INPP4B: variants seen among roughly 807,000 people sequenced by gnomAD.
INPP4B encodes the protein inositol polyphosphate 4-phosphatase type II.
INPP4B carries 55 observed loss-of-function variants against 122.5 expected under a neutral mutation model. That is an observed-to-expected ratio of 0.45 (90% CI 0.36 to 0.56). The LOEUF (loss-of-function observed/expected upper bound fraction) is 0.56, where lower values mean the gene tolerates loss of function less well. Ranked by LOEUF, INPP4B falls within the 20% of genes least tolerant of loss-of-function variation. The probability of loss-of-function intolerance (pLI) is 0.00; values close to 1 mark genes in which losing one functional copy is unlikely to be tolerated. For missense variants in INPP4B, 1,000 were observed against 1,097.7 expected, an observed-to-expected ratio of 0.91 and a Z score of 1.26; for synonymous variants, 403 against 388.7, an observed-to-expected ratio of 1.04 and a Z score of -0.43.
intron 2 of INPP4B, among the ~76,000 whole-genome samples, chr4:142,681,434 A>T (rs1036090850): frequency 1.4e-4 from 22 of 151,938 alleles, no homozygotes; most frequent in African/African-American, 5.1e-4. Flanking sequence ...ACTAGACTTC[A>T]CAAAATTCTA....
intron 2 of INPP4B, among the ~76,000 whole-genome samples, chr4:142,678,358 G>C (rs779569644): frequency 6.6e-6 from 1 of 151,992 alleles, no homozygotes; most frequent in East Asian, 1.9e-4. Flanking sequence ...TATGCAAGTA[G>C]TAACAAATAT....
intron 7 of INPP4B, among the ~76,000 whole-genome samples, chr4:142,328,864 C>T (rs943591711): frequency 6.6e-6 from 1 of 152,128 alleles, no homozygotes; most frequent in African/African-American, 2.4e-5. Flanking sequence ...TTGAGAAACA[C>T]TGCCATGGTG....
chr4:142,755,915 T>C (rs1316496917), intron 1 of INPP4B, among the ~76,000 whole-genome samples: 1 of 152,104 alleles, frequency 6.6e-6, no homozygotes, highest in Admixed American at 6.6e-5. Context: ...ACCTTTGTTA[T>C]TGCTCACAGA....
chr4:142,528,861 C>A (rs1459104701), intron 2 of INPP4B, among the ~76,000 whole-genome samples: 1 of 151,996 alleles, frequency 6.6e-6, no homozygotes, highest in African/African-American at 2.4e-5. Context: ...TTGAGTATTT[C>A]TTGAAAATGA....
intron 25 of INPP4B, among the ~76,000 whole-genome samples, chr4:142,032,285 G>C (rs977146187): frequency 1.3e-5 from 2 of 152,144 alleles, no homozygotes; most frequent in South Asian, 4.1e-4. Context: ...GGGCAGCAGA[G>C]AGGTAGGGAG....
chr4:142,250,953 A>G (rs1398155592), intron 11 of INPP4B, among the ~76,000 whole-genome samples: 2 of 152,236 alleles, frequency 1.3e-5, no homozygotes, highest in Non-Finnish European at 2.9e-5. Flanking sequence ...ATTTTATGTC[A>G]GTAGTTTTTG....
chr4:142,775,482 T>A (rs1439223613), intron 1 of INPP4B, among the ~76,000 whole-genome samples: 4 of 151,240 alleles, frequency 2.6e-5, no homozygotes, highest in Non-Finnish European at 5.9e-5. Flanking sequence ...CTCTGCATAT[T>A]TTGTTCCCTT....
Position 142,462,976 on chromosome 4 carries a change from C to T in INPP4B, c.-190-250G>A, listed in dbSNP as rs185288152. Among the ~76,000 whole-genome samples the T allele has an allele frequency of 1.4e-4, 21 of 152,272 alleles. No homozygotes were observed. In the East Asian group the frequency reaches 4.1e-3, roughly 29 times the overall value. On this transcript the variant is annotated intron_variant, in intron 2 of 25. Coordinates refer to ENST00000262992, the MANE Select transcript of INPP4B (RefSeq NM_001101669.3). ...GATCCTTGTTTGCTGCTTAAGTGTG[C>T]CAAGTACTATCCTATGCCAGGCACT...
intron 7 of INPP4B, among the ~76,000 whole-genome samples, chr4:142,371,014 C>T (rs1201284940): frequency 6.6e-6 from 1 of 152,094 alleles, no homozygotes; most frequent in Admixed American, 6.6e-5. Flanking sequence ...GAAGGCACCA[C>T]ACTACCTGAC....
At chr4:142,350,603 C>A (rs1781654713) in intron 7 of INPP4B, among the ~76,000 whole-genome samples, 1 of 151,904 alleles carries the variant, frequency 6.6e-6, no homozygotes, top group South Asian at 2.1e-4. Context: ...ACCAAAAGGC[C>A]TCGTGTGGTG....
At chr4:142,706,511 G>A (rs571828306) in intron 2 of INPP4B, among the ~76,000 whole-genome samples, 1 of 152,282 alleles carries the variant, frequency 6.6e-6, no homozygotes, top group Admixed American at 6.5e-5. Flanking sequence ...TTATCCATCT[G>A]TTTCATGTGT....
At chr4:142,530,935 T>C (rs1363861660) in intron 2 of INPP4B, among the ~76,000 whole-genome samples, 1 of 151,860 alleles carries the variant, frequency 6.6e-6, no homozygotes, top group Non-Finnish European at 1.5e-5. Flanking sequence ...GCCTTTACTC[T>C]GAGATGGGCA....
intron 2 of INPP4B, among the ~76,000 whole-genome samples, chr4:142,678,587 G>C (rs189651723): frequency 1.3e-5 from 2 of 151,970 alleles, no homozygotes; most frequent in East Asian, 3.9e-4. Flanking sequence ...CTCCAGGAAA[G>C]ACTAATTAGA....
rs55700762 is a variant in INPP4B, at chr4:142,644,740, T to TAAAAA, written c.-191+81094_-191+81098dup. On this transcript the variant is annotated intron_variant, in intron 2 of 25. Transcript: ENST00000262992. ...AACATGGCAAAACCCCATCTCTACT[T>TAAAAA]AAAAAAAAAAAAAAAAAAAAAAAAA... is the stretch of plus-strand genomic sequence containing the variant. Among the ~76,000 whole-genome samples the TAAAAA allele has an allele frequency of 6.9e-4, 49 of 71,062 alleles. 1 individual carries two copies. Among genetic ancestry groups the TAAAAA allele is most frequent in the African/African-American group, 1.8e-3 (31 of 17,700 alleles). 46.6% of individuals were successfully genotyped at this position (71,062 alleles called of 152,430 possible).
intron 12 of INPP4B, among the ~76,000 whole-genome samples, chr4:142,221,389 CAAAAAAAAAA>C (rs570703001): frequency 7.0e-5 from 2 of 28,556 alleles, no homozygotes; most frequent in Admixed American, 5.0e-4. Flanking sequence ...GACTCCTTCT[CAAAAAAAAAA>C]AAAAAAAAAA....
intron 12 of INPP4B, among the ~76,000 whole-genome samples, chr4:142,216,922 G>A (rs80170351): frequency 1.6e-3 from 246 of 152,168 alleles, no homozygotes; most frequent in East Asian, 0.015. Flanking sequence ...AATATTGGCC[G>A]GAATATTAAA....
intron 1 of INPP4B, among the ~76,000 whole-genome samples, chr4:142,766,190 G>GGC (rs1772094285): frequency 6.6e-6 from 1 of 151,996 alleles, no homozygotes; most frequent in Non-Finnish European, 1.5e-5. Flanking sequence ...TGTAGGGTGT[G>GGC]CCTATCAGTC....
intron 18 of INPP4B, among the ~76,000 whole-genome samples, chr4:142,134,784 C>T (rs1408501366): frequency 3.6e-5 from 4 of 109,898 alleles, no homozygotes; most frequent in East Asian, 2.5e-4. Flanking sequence ...GCAACAAGAG[C>T]GAAACTCTGT....
At chr4:142,784,700 C>A (rs1381191985) in intron 1 of INPP4B, among the ~76,000 whole-genome samples, 1 of 152,052 alleles carries the variant, frequency 6.6e-6, no homozygotes, top group Non-Finnish European at 1.5e-5. Context: ...CCAAACAGGT[C>A]CTCACAGTAA....
Sources: allele counts gnomAD v4.1 joint callset (sites outside exome capture counted in the v4.1 genomes callset), GRCh38; gene constraint gnomAD v4.1.1; transcripts MANE v1.5; gene names NCBI Gene and HGNC (gene_info 2026-07-23, HGNC 2026-07-21).